CLVS2: variants seen among roughly 807,000 people sequenced by gnomAD.
The protein encoded by CLVS2 is clavesin 2, also known as clavesin-2.
Under a neutral mutation model 29.0 loss-of-function variants are expected in CLVS2, and 19 were observed. The observed-to-expected ratio is 0.66, with a 90% CI of 0.46 to 0.96. The LOEUF (loss-of-function observed/expected upper bound fraction) is 0.96. CLVS2 is among the 40% of genes least tolerant of loss of function. CLVS2 has a pLI of 0.00. For missense variants in CLVS2, 294 were observed against 404.1 expected (o/e 0.73, Z 2.34); for synonymous variants, 161 against 151.3 (o/e 1.06, Z -0.47).
At position 123,067,978 on chromosome 6, in the gene CLVS2, A is replaced by G. The variant is rs976285006; in HGVS notation, c.*4217A>G. On this transcript the variant is annotated 3_prime_UTR_variant, in exon 6 of 6. Transcript: ENST00000275162. Reference sequence around the variant, plus strand: ...TACAAAAGAAGCTTGGCTTTGTAACATTATTATATTATGATCTCAATGGCT... The same window carrying G: ...TACAAAAGAAGCTTGGCTTTGTAACGTTATTATATTATGATCTCAATGGCT... 1.3e-5 allele frequency: 2 copies of G among 151,754 alleles called. No homozygotes were observed. Among genetic ancestry groups the G allele is most frequent in the Non-Finnish European group, 3.0e-5 (2 of 67,726 alleles). The allele number at this position is 151,754 out of a possible 1,614,324, so 9.4% of individuals were successfully genotyped here.
intron 3 of CLVS2, among the ~76,000 whole-genome samples, chr6:123,020,271 C>T (rs940628811): frequency 6.6e-6 from 1 of 151,998 alleles, no homozygotes; most frequent in African/African-American, 2.4e-5. Context: ...TAGAGTATCC[C>T]AGATCTTAAA....
chr6:123,035,584 C>T lies in CLVS2; in HGVS notation c.565-13038C>T, dbSNP rs539183370. On this transcript the variant is annotated intron_variant, in intron 3 of 5. Coordinates refer to ENST00000275162, the MANE Select transcript of CLVS2 (RefSeq NM_001010852.4). ...CAAAAAAAAATGAAGATTGAAATAC[C>T]ATAAATATGTCACATACTTCCATGT... is the stretch of plus-strand genomic sequence containing the variant. Among the ~76,000 whole-genome samples, 14 of 152,116 alleles carry T rather than the reference C, an allele frequency of 9.2e-5. No individual in the cohort carries two copies. In the East Asian group the frequency reaches 2.5e-3, roughly 27 times the overall value.
Position 122,998,227 on chromosome 6 carries a change from C to T in CLVS2, c.389+61C>T. The T allele has an allele frequency of 3.3e-6, 5 of 1,510,036 alleles. No homozygotes were observed. In the South Asian group the frequency reaches 3.7e-5, roughly 11 times the overall value. The allele number at this position is 1,510,036 out of a possible 1,614,324, so 93.5% of individuals were successfully genotyped here. On this transcript the variant is annotated intron_variant, in intron 2 of 5. Transcript: ENST00000275162. The stretch of plus-strand genomic sequence containing the variant: ...CTCTCCCATTTTCCAGAATTTACCC[C>T]GAGTAGTGTCATGGTTTTGTAGATT...
chr6:123,063,637 G>A (rs1772810801), intron 5 of CLVS2, 37 bp from the exon 6 acceptor site: 1 of 1,207,524 alleles, frequency 8.3e-7, no homozygotes. Flanking sequence ...ACAATTACCT[G>A]GTAATAACTC....
intron 3 of CLVS2, among the ~76,000 whole-genome samples, chr6:123,011,675 A>G (rs1774749855): frequency 6.6e-6 from 1 of 151,860 alleles, no homozygotes; most frequent in South Asian, 2.1e-4. Flanking sequence ...GGGCTGTCAC[A>G]TGGAATTTAT....
In CLVS2 at chr6:123,067,027, ATTT is replaced by A. The variant is rs1199406346; in HGVS notation, c.*3267_*3269del. The A allele has an allele frequency of 6.6e-6, 1 of 151,766 alleles. No individual in the cohort carries two copies. The highest frequency in any genetic ancestry group is 1.5e-5 in the Non-Finnish European group (1 of 67,750). 9.4% of individuals were successfully genotyped at this position (151,766 alleles called of 1,614,324 possible). A position where few individuals can be genotyped will look rare whatever the true frequency, so the allele number is the denominator to read the frequency against. On this transcript the variant is annotated 3_prime_UTR_variant, in exon 6 of 6. Coordinates refer to ENST00000275162, the MANE Select transcript of CLVS2 (RefSeq NM_001010852.4). ...GAAGTGGGCATGCATGAATTCTTTC[ATTT>A]CAGTAATGGTTTGCATAAGTGTAGA... is the stretch of plus-strand genomic sequence containing the variant.
intron 3 of CLVS2, among the ~76,000 whole-genome samples, chr6:123,038,001 C>T (rs926872055): frequency 6.6e-6 from 1 of 152,166 alleles, no homozygotes; most frequent in Non-Finnish European, 1.5e-5. Flanking sequence ...CAGGTAGGCT[C>T]CACATTGTCT....
At chr6:123,023,054 G>A (rs751490563) in intron 3 of CLVS2, among the ~76,000 whole-genome samples, 1 of 152,100 alleles carries the variant, frequency 6.6e-6, no homozygotes, top group Non-Finnish European at 1.5e-5. Context: ...AGGAAACTGT[G>A]TTCCAGTTTT....
intron 3 of CLVS2, 71 bp downstream of exon 3, chr6:123,011,230 A>G: frequency 8.4e-7 from 1 of 1,185,436 alleles, no homozygotes; most frequent in East Asian, 2.6e-5. Context: ...TGTTAGAATG[A>G]AAAAATGTCT....
rs760444204 is a variant in CLVS2 at position 123,048,581 on chromosome 6, T to G, written c.565-41T>G. 4.8e-5 allele frequency: 64 copies of G among 1,329,846 alleles called. 1 individual carries two copies. In the African/African-American group the frequency reaches 8.0e-4, roughly 17 times the overall value. The allele number at this position is 1,329,846 out of a possible 1,614,324, so 82.4% of individuals were successfully genotyped here. A position where few individuals can be genotyped will look rare whatever the true frequency, so the allele number is the denominator to read the frequency against. On this transcript the variant is annotated intron_variant, in intron 3 of 5. Transcript: ENST00000275162. The stretch of plus-strand genomic sequence containing the variant: ...CCTTTCCTAAACCTTCTCAGTCTAT[T>G]AAAGCATATTTTGATTGTTTTTTTC...
In CLVS2 at chr6:123,066,039, T is replaced by C. The variant is rs998653781; in HGVS notation, c.*2278T>C. On this transcript the variant is annotated 3_prime_UTR_variant, in exon 6 of 6. Transcript: ENST00000275162. ...ATGAGCAATTGAGAGTTGGCTAGAT[T>C]GTGTAAAATATTTTAAAATGAATGA... 6.6e-5 allele frequency: 10 copies of C among 151,910 alleles called. No homozygotes were observed. Among genetic ancestry groups the C allele is most frequent in the African/African-American group, 2.4e-4 (10 of 41,542 alleles). The allele number at this position is 151,910 out of a possible 1,614,324, so 9.4% of individuals were successfully genotyped here. A position where few individuals can be genotyped will look rare whatever the true frequency, so the allele number is the denominator to read the frequency against.
At chr6:123,003,737 A>G (rs1774623707) in intron 2 of CLVS2, among the ~76,000 whole-genome samples, 1 of 152,192 alleles carries the variant, frequency 6.6e-6, no homozygotes, top group Non-Finnish European at 1.5e-5. Flanking sequence ...ATATGCAGCT[A>G]ATGAGGACAC....
At chr6:123,063,601 C>T in intron 5 of CLVS2, 73 bp from the exon 6 acceptor site, 2 of 822,124 alleles carry the variant, frequency 2.4e-6, no homozygotes, top group Non-Finnish European at 4.0e-6. Flanking sequence ...GAAGTAATGA[C>T]AAAAAGAGGA....
In CLVS2 at chr6:123,065,129, T is replaced by C. The variant is rs1772833765; in HGVS notation, c.*1368T>C. 1.3e-5 allele frequency: 2 copies of C among 152,046 alleles called. No homozygotes were observed. Among genetic ancestry groups the C allele is most frequent in the South Asian group, 4.1e-4 (2 of 4,830 alleles). The allele number at this position is 152,046 out of a possible 1,614,324, so 9.4% of individuals were successfully genotyped here. A position where few individuals can be genotyped will look rare whatever the true frequency, so the allele number is the denominator to read the frequency against. On this transcript the variant is annotated 3_prime_UTR_variant, in exon 6 of 6. Coordinates refer to ENST00000275162, the MANE Select transcript of CLVS2 (RefSeq NM_001010852.4). ...AGGCATCTATGACAACATGTAATCA[T>C]TTATACGTGGATTTAGAAATTTGCA...
At chr6:123,037,531 T>C (rs183841093) in intron 3 of CLVS2, among the ~76,000 whole-genome samples, 1 of 152,232 alleles carries the variant, frequency 6.6e-6, no homozygotes, top group Non-Finnish European at 1.5e-5. Context: ...AAAATCACTG[T>C]CTTCTGCTCT....
chr6:123,019,203 G>A lies in CLVS2; in HGVS notation c.564+8044G>A, dbSNP rs552196564. On this transcript the variant is annotated intron_variant, in intron 3 of 5. Transcript: ENST00000275162. ...TCAGACAACGGACAATCATGACAGG[G>A]GAGGCTGAAAAATTGAATATAACTT... 3.0e-4 allele frequency among the ~76,000 whole-genome samples: 46 copies of A among 152,098 alleles called. No individual in the cohort carries two copies. In the South Asian group the frequency reaches 9.6e-3, roughly 32 times the overall value.
At chr6:123,044,748 A>C (rs1367871283) in intron 3 of CLVS2, among the ~76,000 whole-genome samples, 1 of 152,146 alleles carries the variant, frequency 6.6e-6, no homozygotes, top group African/African-American at 2.4e-5. Context: ...TAAGCTGTTA[A>C]TTTAGATTGT....
chr6:123,057,943 G>A (rs1467116568), intron 5 of CLVS2, among the ~76,000 whole-genome samples: 3 of 152,168 alleles, frequency 2.0e-5, no homozygotes, highest in African/African-American at 7.2e-5. Context: ...GTGTGCGTAA[G>A]TATGAATGTA....
chr6:123,013,967 C>A (rs1412927835), intron 3 of CLVS2, among the ~76,000 whole-genome samples: 1 of 152,080 alleles, frequency 6.6e-6, no homozygotes. Context: ...AGTTTTCATC[C>A]ATGTCCCTAC....
Sources: allele counts gnomAD v4.1 joint callset (sites outside exome capture counted in the v4.1 genomes callset), GRCh38; gene constraint gnomAD v4.1.1; transcripts MANE v1.5; gene names NCBI Gene and HGNC (gene_info 2026-07-23, HGNC 2026-07-21).